CDH13: variants seen among roughly 807,000 people sequenced by gnomAD.
CDH13 encodes the protein cadherin 13.
Under a neutral mutation model 63.8 loss-of-function variants are expected in CDH13, and 24 were observed. The observed-to-expected ratio is 0.38, with a 90% CI of 0.27 to 0.53. CDH13 has a LOEUF of 0.53. CDH13 is among the 20% of genes least tolerant of loss of function. The pLI is 0.85. For missense variants in CDH13, 1,049 were observed against 903.1 expected (o/e 1.16, Z -2.07); for synonymous variants, 503 against 355.3 (o/e 1.42, Z -4.67).
chr16:83,443,590 G>C (rs1347746753), intron 6 of CDH13, among the ~76,000 whole-genome samples: 1 of 151,734 alleles, frequency 6.6e-6, no homozygotes, highest in African/African-American at 2.4e-5. Context: ...ATCAGTGTCA[G>C]ACTGGGCTGG....
intron 10 of CDH13, among the ~76,000 whole-genome samples, chr16:83,730,075 C>T (rs576882136): frequency 2.1e-4 from 32 of 152,346 alleles, no homozygotes; most frequent in Non-Finnish European, 4.4e-4. Context: ...GTCATCTTGT[C>T]ATGCTGTGTT....
At chr16:83,666,050 T>A (rs1301722881) in intron 8 of CDH13, among the ~76,000 whole-genome samples, 1 of 152,202 alleles carries the variant, frequency 6.6e-6, no homozygotes, top group African/African-American at 2.4e-5. Flanking sequence ...AAAATACGTT[T>A]TATATCTTGT....
intron 2 of CDH13, among the ~76,000 whole-genome samples, chr16:82,895,391 C>G (rs1008833303): frequency 4.1e-4 from 62 of 152,324 alleles, no homozygotes; most frequent in African/African-American, 1.4e-3. Flanking sequence ...CCCTCATCAT[C>G]TGGTCCTTTT....
At chr16:83,701,105 A>G (rs914010809) in intron 10 of CDH13, among the ~76,000 whole-genome samples, 1 of 151,862 alleles carries the variant, frequency 6.6e-6, no homozygotes, top group African/African-American at 2.4e-5. Context: ...TCCAGCAGTG[A>G]GGGATCTCGG....
chr16:82,930,765 G>C (rs1389108264), intron 2 of CDH13, among the ~76,000 whole-genome samples: 1 of 152,124 alleles, frequency 6.6e-6, no homozygotes, highest in African/African-American at 2.4e-5. Context: ...AGATATATCA[G>C]TACTCCAGTT....
chr16:82,815,086 A>C (rs536470868), intron 1 of CDH13, among the ~76,000 whole-genome samples: 1 of 151,820 alleles, frequency 6.6e-6, no homozygotes, highest in Non-Finnish European at 1.5e-5. Context: ...TTTCTTATCC[A>C]TTATACCGTA....
chr16:83,032,160 C>T lies in CDH13; in HGVS notation c.308C>T (p.Ala103Val), dbSNP rs199539898. 200 of 1,613,568 alleles carry T rather than the reference C, an allele frequency of 1.2e-4. No homozygotes were observed. The highest frequency in any genetic ancestry group is 3.3e-4 in the Middle Eastern group (2 of 6,080). Residue 103 changes from alanine to valine, a missense_variant, in exon 3 of 14, where the codon GCG (alanine) becomes GTG (valine). Physicochemically the swap from Ala to Val is moderately conservative, Grantham distance 64. Coordinates refer to ENST00000567109, the MANE Select transcript of CDH13 (RefSeq NM_001257.5). ...TLFVHARTPH[A>V]EDMAELVIVG... ...TTCGTCCATGCACGGACCCCCCATG[C>T]GGAAGATATGGCAGAACTCGTGATT... is the stretch of plus-strand genomic sequence containing the variant.
At chr16:83,087,671 C>CAAAAAAAAAAAAAAAAAAAAA (rs67228844) in intron 3 of CDH13, among the ~76,000 whole-genome samples, 3 of 44,000 alleles carry the variant, frequency 6.8e-5, no homozygotes, top group African/African-American at 2.6e-4. Flanking sequence ...CCCTCCGTCT[C>CAAAAAAAAAAAAAAAAAAAAA]AAAAAAAAAA....
At chr16:83,075,465 A>C (rs913131588) in intron 3 of CDH13, among the ~76,000 whole-genome samples, 2 of 152,130 alleles carry the variant, frequency 1.3e-5, no homozygotes, top group Admixed American at 1.3e-4. Context: ...AATGTTCTTG[A>C]CCTAGAATGG....
intron 11 of CDH13, among the ~76,000 whole-genome samples, chr16:83,751,221 A>G (rs1230033881): frequency 6.6e-6 from 1 of 152,160 alleles, no homozygotes; most frequent in East Asian, 1.9e-4. Context: ...CATGAAATCA[A>G]TCGTGAAATG....
intron 8 of CDH13, among the ~76,000 whole-genome samples, chr16:83,646,208 A>AG (rs896416544): frequency 4.6e-5 from 7 of 152,154 alleles, no homozygotes; most frequent in Admixed American, 1.3e-4. Flanking sequence ...CTGCTACCCT[A>AG]GGCAAGTGCT....
At chr16:83,135,139 C>T (rs145851515) in intron 4 of CDH13, among the ~76,000 whole-genome samples, 2 of 152,294 alleles carry the variant, frequency 1.3e-5, no homozygotes, top group East Asian at 3.9e-4. Context: ...ACATGGCTAA[C>T]CCTACTGTCC....
At chr16:82,662,233 A>ATTTT (rs780185097) in intron 1 of CDH13, among the ~76,000 whole-genome samples, 1 of 152,246 alleles carries the variant, frequency 6.6e-6, no homozygotes, top group African/African-American at 2.4e-5. Context: ...CTTAAAAAAC[A>ATTTT]GATGCAACAC....
intron 6 of CDH13, among the ~76,000 whole-genome samples, chr16:83,421,210 G>T (rs1240543305): frequency 6.6e-6 from 1 of 152,178 alleles, no homozygotes; most frequent in Non-Finnish European, 1.5e-5. Context: ...AAAACTCTCA[G>T]GAAAGTATAG....
intron 2 of CDH13, among the ~76,000 whole-genome samples, chr16:82,998,248 C>A (rs1464739532): frequency 6.6e-6 from 1 of 152,150 alleles, no homozygotes; most frequent in African/African-American, 2.4e-5. Context: ...CGCATTAATG[C>A]ATTGATTTTA....
At chr16:82,926,664 G>C (rs2042312472) in intron 2 of CDH13, among the ~76,000 whole-genome samples, 1 of 152,210 alleles carries the variant, frequency 6.6e-6, no homozygotes, top group South Asian at 2.1e-4. Context: ...CGAGAAGACA[G>C]ATAAGCCAGG....
intron 1 of CDH13, among the ~76,000 whole-genome samples, chr16:82,849,326 G>A (rs1425434241): frequency 2.0e-5 from 3 of 152,022 alleles, no homozygotes; most frequent in African/African-American, 7.2e-5. Flanking sequence ...ACATGGTGAA[G>A]CCCTGTCTCT....
intron 3 of CDH13, among the ~76,000 whole-genome samples, chr16:83,099,861 G>C (rs923631615): frequency 2.0e-5 from 3 of 152,158 alleles, no homozygotes; most frequent in African/African-American, 7.2e-5. Flanking sequence ...CAGTAAGAGT[G>C]AGGAGGTGGT....
chr16:83,021,870 G>A (rs954555528), intron 2 of CDH13, among the ~76,000 whole-genome samples: 1 of 152,174 alleles, frequency 6.6e-6, no homozygotes, highest in African/African-American at 2.4e-5. Flanking sequence ...TGTTCAGGAA[G>A]CAGAAGAGTA....
Sources: allele counts gnomAD v4.1 joint callset (sites outside exome capture counted in the v4.1 genomes callset), GRCh38; gene constraint gnomAD v4.1.1; transcripts MANE v1.5; gene names NCBI Gene and HGNC (gene_info 2026-07-23, HGNC 2026-07-21).